DAB1: variants seen among roughly 807,000 people sequenced by gnomAD.
DAB1 encodes the protein disabled homolog 1.
Under a neutral mutation model 64.6 loss-of-function variants are expected in DAB1, and 15 were observed. The ratio of observed to expected loss-of-function variants is 0.23; its 90% confidence interval spans 0.16 to 0.36. The LOEUF is 0.36. DAB1 is among the 10% of genes least tolerant of loss of function. DAB1 has a pLI of 1.00. For missense variants in DAB1, 596 were observed against 706.7 expected, an observed-to-expected ratio of 0.84 and a Z score of 1.78; for synonymous variants, 235 against 251.9, an observed-to-expected ratio of 0.93 and a Z score of 0.64.
intron 4 of DAB1, among the ~76,000 whole-genome samples, chr1:58,194,004 G>C (rs1657532667): frequency 6.6e-6 from 1 of 152,202 alleles, no homozygotes; most frequent in South Asian, 2.1e-4. Flanking sequence ...ACAAAGGGAA[G>C]AAGAAGACGT....
At chr1:57,106,908 G>T (rs1423937021) in intron 4 of DAB1, among the ~76,000 whole-genome samples, 2 of 152,140 alleles carry the variant, frequency 1.3e-5, no homozygotes, top group Non-Finnish European at 2.9e-5. Flanking sequence ...AGATAGCACA[G>T]ATGAAGCAAT....
rs201406863 is a variant in DAB1, at chr1:57,128,167, AT to A, written c.306+8375del. ...TCAAAAAATAAAAATAAATAAATAAATAAATAAATAAATAAATAAATAAATA... is the reference window on the plus strand; with the variant it reads ...TCAAAAAATAAAAATAAATAAATAAAAAATAAATAAATAAATAAATAAATA... On this transcript the variant is annotated intron_variant, in intron 4 of 14. Transcript: ENST00000371236. Among the ~76,000 whole-genome samples, 430 of 134,460 alleles carry A rather than the reference AT, an allele frequency of 3.2e-3. 1 individual carries two copies. Among genetic ancestry groups the A allele is most frequent in the Admixed American group, 6.3e-3 (86 of 13,560 alleles). 88.2% of individuals were successfully genotyped at this position (134,460 alleles called of 152,430 possible).
At chr1:57,865,211 T>C (rs112478218) in intron 1 of DAB1, among the ~76,000 whole-genome samples, 3 of 152,298 alleles carry the variant, frequency 2.0e-5, no homozygotes, top group African/African-American at 7.2e-5. Flanking sequence ...GAACAATACA[T>C]GTCACTTCCA....
At chr1:57,114,413 A>G (rs1195347017) in intron 4 of DAB1, among the ~76,000 whole-genome samples, 2 of 152,234 alleles carry the variant, frequency 1.3e-5, no homozygotes, top group Admixed American at 6.5e-5. Context: ...ATGTATCAGT[A>G]TCAACCGGAA....
chr1:58,293,459 C>T (rs1051464052), intron 4 of DAB1, among the ~76,000 whole-genome samples: 1 of 152,086 alleles, frequency 6.6e-6, no homozygotes, highest in African/African-American at 2.4e-5. Flanking sequence ...TCAGAAAGCC[C>T]CAGGGGAGAT....
At position 58,217,868 on chromosome 1, in the gene DAB1, A is replaced by G. The variant is rs906309689; in HGVS notation, n.310-67280T>C. On this transcript the variant is annotated intron_variant and non_coding_transcript_variant, in intron 4 of 20. Transcript: ENST00000485760. Reference sequence around the variant, plus strand: ...GTATATGCTTCATAAATATCTGTTAATATTTGAATGAATGAATCAATCAAT... The same window carrying G: ...GTATATGCTTCATAAATATCTGTTAGTATTTGAATGAATGAATCAATCAAT... Among the ~76,000 whole-genome samples, 6 of 152,294 alleles carry G rather than the reference A, an allele frequency of 3.9e-5. No individual in the cohort carries two copies. In the East Asian group the frequency reaches 5.8e-4, roughly 15 times the overall value.
chr1:57,139,468 G>A (rs1658400540), intron 3 of DAB1, among the ~76,000 whole-genome samples: 1 of 152,090 alleles, frequency 6.6e-6, no homozygotes, highest in Admixed American at 6.6e-5. Context: ...CCAGTCTCAG[G>A]CATTTTGTTA....
chr1:58,443,736 G>C (rs540370718), intron 3 of DAB1, among the ~76,000 whole-genome samples: 1 of 152,184 alleles, frequency 6.6e-6, no homozygotes. Flanking sequence ...GTATAAAATA[G>C]TGTATGTTGT....
chr1:58,256,369 C>A (rs1012195157), intron 4 of DAB1, among the ~76,000 whole-genome samples: 1 of 152,148 alleles, frequency 6.6e-6, no homozygotes, highest in Admixed American at 6.5e-5. Flanking sequence ...GTGCCATCTA[C>A]CCATTTTCCA....
intron 4 of DAB1, among the ~76,000 whole-genome samples, chr1:58,242,913 A>G (rs773950607): frequency 1.3e-5 from 2 of 152,272 alleles, no homozygotes; most frequent in South Asian, 4.1e-4. Flanking sequence ...AACATAAGCA[A>G]ATGGCTGATA....
chr1:58,529,729 C>T (rs970719347), intron 1 of DAB1, among the ~76,000 whole-genome samples: 11 of 151,586 alleles, frequency 7.3e-5, no homozygotes, highest in Admixed American at 6.6e-4. Flanking sequence ...AAAATATCTA[C>T]GAAAAAACAA....
intron 3 of DAB1, among the ~76,000 whole-genome samples, chr1:58,447,187 C>T (rs1645077216): frequency 6.6e-6 from 1 of 152,142 alleles, no homozygotes; most frequent in South Asian, 2.1e-4. Context: ...GAAGAAAAAT[C>T]AAAGAAAGGG....
intron 2 of DAB1, among the ~76,000 whole-genome samples, chr1:57,236,581 T>C (rs957148354): frequency 3.9e-5 from 6 of 152,166 alleles, no homozygotes; most frequent in African/African-American, 1.4e-4. Flanking sequence ...TAATGGGACA[T>C]GGGACAGGGA....
At chr1:57,550,414 T>A (rs181817572) in intron 7 of DAB1, among the ~76,000 whole-genome samples, 1 of 152,282 alleles carries the variant, frequency 6.6e-6, no homozygotes, top group East Asian at 1.9e-4. Context: ...CATTTGTTGC[T>A]AAATTACAGT....
intron 12 of DAB1, among the ~76,000 whole-genome samples, chr1:57,014,316 A>T (rs1480041357): frequency 6.6e-6 from 1 of 152,226 alleles, no homozygotes; most frequent in Non-Finnish European, 1.5e-5. Context: ...ATGAGGCTTC[A>T]ACTATAAAAG....
intron 5 of DAB1, among the ~76,000 whole-genome samples, chr1:58,118,596 C>CA (rs1246638936): frequency 0.41 from 42,861 of 103,530 alleles, 8,793 homozygotes; most frequent in East Asian, 0.76. Context: ...ATATAAAATA[C>CA]TATATATATA....
chr1:57,538,450 C>T (rs1644756962), intron 7 of DAB1, among the ~76,000 whole-genome samples: 1 of 152,160 alleles, frequency 6.6e-6, no homozygotes, highest in Non-Finnish European at 1.5e-5. Context: ...CAAAAAACTC[C>T]CTGGAATTTT....
chr1:57,111,427 T>A (rs1655644988), intron 4 of DAB1, among the ~76,000 whole-genome samples: 2 of 152,196 alleles, frequency 1.3e-5, no homozygotes, highest in African/African-American at 4.8e-5. Context: ...ACATCAGGGC[T>A]GGGGCACACC....
chr1:57,417,614 A>T (rs1396060765), intron 1 of DAB1, among the ~76,000 whole-genome samples: 1 of 152,186 alleles, frequency 6.6e-6, no homozygotes, highest in African/African-American at 2.4e-5. Context: ...AGTAAATACC[A>T]CATCTTACTA....
Sources: allele counts gnomAD v4.1 joint callset (sites outside exome capture counted in the v4.1 genomes callset), GRCh38; gene constraint gnomAD v4.1.1; transcripts MANE v1.5; gene names NCBI Gene and HGNC (gene_info 2026-07-23, HGNC 2026-07-21).